The following BEAN1 variants were observed in gnomAD, a reference collection of about 807,000 sequenced individuals.
BEAN1 encodes brain expressed associated with NEDD4 1.
BEAN1 carries 17 observed loss-of-function variants against 17.7 expected under a neutral mutation model. The observed-to-expected ratio is 0.96, with a 90% confidence interval of 0.66 to 1.44. The LOEUF (loss-of-function observed/expected upper bound fraction) is 1.44. BEAN1 is among the 40% of genes most tolerant of loss of function. The probability of loss-of-function intolerance (pLI) is 0.00; values close to 1 mark genes in which losing one functional copy is unlikely to be tolerated. For missense variants in BEAN1, 359 were observed against 374.1 expected, an observed-to-expected ratio of 0.96 and a Z score of 0.33; for synonymous variants, 142 against 151.8, an observed-to-expected ratio of 0.94 and a Z score of 0.47.
At chr16:66,443,089 G>A (rs1445008388) in intron 2 of BEAN1, among the ~76,000 whole-genome samples, 1 of 152,214 alleles carries the variant, frequency 6.6e-6, no homozygotes, top group Non-Finnish European at 1.5e-5. Context: ...TTCCCACTGA[G>A]CTGGAACACA....
At chr16:66,432,417 T>G (rs1025272639) in intron 1 of BEAN1, among the ~76,000 whole-genome samples, 5 of 152,228 alleles carry the variant, frequency 3.3e-5, no homozygotes, top group Non-Finnish European at 7.3e-5. Flanking sequence ...AGTGAGCCCC[T>G]GCCTTGGTGA....
At chr16:66,438,811 C>T (rs902443331) in intron 2 of BEAN1, among the ~76,000 whole-genome samples, 2 of 152,170 alleles carry the variant, frequency 1.3e-5, no homozygotes, top group East Asian at 1.9e-4. Flanking sequence ...TGAGCCCCCC[C>T]CAAACCACCA....
At chr16:66,494,843 G>A (rs548319250), downstream of BEAN1, among the ~76,000 whole-genome samples, 1 of 152,280 alleles carries the variant, frequency 6.6e-6, no homozygotes, top group East Asian at 1.9e-4. Context: ...GTACATTCAG[G>A]TATGGCACAT....
chr16:66,484,810 C>G (rs112281775), downstream of BEAN1: 743 of 454,118 alleles, frequency 1.6e-3, 1 homozygote, highest in Non-Finnish European at 2.2e-3. This position sits in a 1 kb window ranked among gnomAD's most constrained non-coding sequence, Gnocchi z 4.2. Context: ...GTGACGCCCG[C>G]CCTCAGGTGG....
At chr16:66,468,171 T>A (rs1054365308) in intron 2 of BEAN1, among the ~76,000 whole-genome samples, 1 of 152,220 alleles carries the variant, frequency 6.6e-6, no homozygotes, top group Non-Finnish European at 1.5e-5. Context: ...AAGGCCTCCC[T>A]GCCATTTCCC....
At chr16:66,485,149 T>C (rs765702045), downstream of BEAN1, 8 of 452,562 alleles carry the variant, frequency 1.8e-5, no homozygotes, top group South Asian at 1.1e-4. Context: ...ACGAGGAACA[T>C]CCATTGTCAC....
At chr16:66,449,903 C>T (rs9926387) in intron 2 of BEAN1, among the ~76,000 whole-genome samples, 73,120 of 151,906 alleles carry the variant, frequency 0.48, 18,046 homozygotes, top group Non-Finnish European at 0.51. Flanking sequence ...AGTGTAAGAT[C>T]CAATTATCTA....
chr16:66,478,289 T>C (rs1360204081), intron 4 of BEAN1, among the ~76,000 whole-genome samples: 2 of 152,170 alleles, frequency 1.3e-5, no homozygotes, highest in East Asian at 1.9e-4. Context: ...TGCTTCTCCA[T>C]TGTGGAAATG....
intron 1 of BEAN1, among the ~76,000 whole-genome samples, chr16:66,429,095 G>A (rs901447003): frequency 1.3e-5 from 2 of 152,202 alleles, no homozygotes; most frequent in African/African-American, 4.8e-5. Context: ...CTCCACTCCC[G>A]GGTGGAGGAT....
At chr16:66,477,878 C>T in intron 4 of BEAN1, 168 bp downstream of exon 4, 1 of 678,018 alleles carries the variant, frequency 1.5e-6, no homozygotes, top group Non-Finnish European at 2.2e-6. Flanking sequence ...CAAGTAGGTC[C>T]CACTGAGGCA....
intron 1 of BEAN1, among the ~76,000 whole-genome samples, chr16:66,430,267 T>G (rs1313453419): frequency 6.6e-6 from 1 of 152,272 alleles, no homozygotes; most frequent in Non-Finnish European, 1.5e-5. Flanking sequence ...GTGTCAACAT[T>G]GTGAACATGC....
In BEAN1 at chr16:66,481,824, C is replaced by G. The variant is rs1963996217; in HGVS notation, c.*899C>G. ...ACCTCTCTGAGGCAGAGAAGTGGCC[C>G]CTCCCTCAGTCCCTGCCTGGCCGAC... On this transcript the variant is annotated 3_prime_UTR_variant, in exon 5 of 5. Transcript: ENST00000536005. The surrounding 1 kb of genome is among the most constrained non-coding windows in gnomAD (Gnocchi z 4.1). The G allele has an allele frequency of 1.3e-5, 2 of 152,448 alleles. No homozygotes were observed. The allele number at this position is 152,448 out of a possible 1,614,324, so 9.4% of individuals were successfully genotyped here.
chr16:66,427,352 G>T lies in BEAN1; in HGVS notation c.-162G>T. The T allele has an allele frequency of 6.6e-6, 1 of 152,034 alleles. No homozygotes were observed. Among genetic ancestry groups the T allele is most frequent in the Non-Finnish European group, 1.5e-5 (1 of 68,306 alleles). 9.4% of individuals were successfully genotyped at this position (152,034 alleles called of 1,614,324 possible). On this transcript the variant is annotated 5_prime_UTR_variant, in exon 1 of 5. Coordinates refer to ENST00000536005, the MANE Select transcript of BEAN1 (RefSeq NM_001178020.3). This position sits in a 1 kb window ranked among gnomAD's most constrained non-coding sequence, Gnocchi z 4.7. ...AGCGGGAACCGGACTGGGAGCCGGA[G>T]CCGGGGCGGGAACCGGAGCTGGAGC...
chr16:66,428,500 T>G (rs1961669234), intron 1 of BEAN1: 1 of 152,392 alleles, frequency 6.6e-6, no homozygotes, highest in South Asian at 2.1e-4. Flanking sequence ...CATCTGAAAG[T>G]AAGCAGGAGT....
downstream of BEAN1, chr16:66,483,999 C>G (rs890886203): frequency 6.3e-6 from 1 of 158,270 alleles, no homozygotes. Flanking sequence ...ACAATACCCA[C>G]CAGCACTCAT....
chr16:66,483,300 G>T, downstream of BEAN1: 1 of 160,196 alleles, frequency 6.2e-6, no homozygotes, highest in Non-Finnish European at 1.4e-5. Flanking sequence ...CCTTACAGGA[G>T]TTGCTTTTTT....
chr16:66,474,647 AGG>A (rs1408367887), intron 3 of BEAN1, among the ~76,000 whole-genome samples: 1 of 64,926 alleles, frequency 1.5e-5, no homozygotes, highest in African/African-American at 6.2e-5. Flanking sequence ...GGAGGGAGGG[AGG>A]GGAAATAGAG....
intron 2 of BEAN1, among the ~76,000 whole-genome samples, chr16:66,445,032 G>A (rs1263570381): frequency 6.6e-6 from 1 of 152,198 alleles, no homozygotes; most frequent in African/African-American, 2.4e-5. Context: ...TTTGCTACAT[G>A]CTGAAATCTT....
At chr16:66,470,010 C>T in intron 3 of BEAN1, 145 bp downstream of exon 3, 1 of 1,121,254 alleles carries the variant, frequency 8.9e-7, no homozygotes, top group Non-Finnish European at 1.2e-6. Flanking sequence ...TCAGGAAGAG[C>T]TCACAGGCGC....
Sources: allele counts gnomAD v4.1 joint callset (sites outside exome capture counted in the v4.1 genomes callset), GRCh38; gene constraint gnomAD v4.1.1; non-coding constraint Gnocchi (gnomAD v3.1); transcripts MANE v1.5; gene names NCBI Gene and HGNC (gene_info 2026-07-23, HGNC 2026-07-21).